Variants in GRM1 observed in about 807,000 individuals in gnomAD.
GRM1 encodes the protein glutamate metabotropic receptor 1, also known as metabotropic glutamate receptor 1.
In GRM1, 33 loss-of-function variants were observed where a neutral mutation model predicts 90.9. The ratio of observed to expected loss-of-function variants is 0.36; its 90% CI spans 0.28 to 0.49. The LOEUF is 0.49. GRM1 is among the 20% of genes least tolerant of loss of function. The pLI is 0.99. For synonymous variants in GRM1, 700 were observed against 613.2 expected, an observed-to-expected ratio of 1.14 and a Z score of -2.09; for missense variants, 1,190 against 1,534.3, an observed-to-expected ratio of 0.78 and a Z score of 3.75.
intron 3 of GRM1, among the ~76,000 whole-genome samples, chr6:146,338,442 T>C (rs1446543838): frequency 6.6e-6 from 1 of 152,242 alleles, no homozygotes; most frequent in Non-Finnish European, 1.5e-5. Context: ...AAGAGAGTGT[T>C]AACTTTGCTT....
At chr6:146,106,766 C>T (rs1186591268) in intron 1 of GRM1, among the ~76,000 whole-genome samples, 4 of 152,176 alleles carry the variant, frequency 2.6e-5, no homozygotes, top group African/African-American at 7.2e-5. Context: ...TTTAGTTGAC[C>T]TCGTGGTGTC....
intron 2 of GRM1, among the ~76,000 whole-genome samples, chr6:146,299,236 A>G (rs1783287723): frequency 6.6e-6 from 1 of 152,100 alleles, no homozygotes; most frequent in Non-Finnish European, 1.5e-5. Flanking sequence ...CCTCTATCTA[A>G]CCTACATCAC....
intron 2 of GRM1, among the ~76,000 whole-genome samples, chr6:146,231,657 G>A (rs766311041): frequency 1.1e-4 from 16 of 151,978 alleles, no homozygotes; most frequent in South Asian, 2.1e-4. Flanking sequence ...TTCTTTCCAC[G>A]GAAATCATCA....
At chr6:146,211,424 G>T (rs1490603202) in intron 2 of GRM1, among the ~76,000 whole-genome samples, 1 of 151,904 alleles carries the variant, frequency 6.6e-6, no homozygotes, top group Non-Finnish European at 1.5e-5. Flanking sequence ...CATATTTTAA[G>T]GTAAAAAATG....
intron 3 of GRM1, among the ~76,000 whole-genome samples, chr6:146,324,896 T>C (rs1172266448): frequency 3.3e-5 from 5 of 152,166 alleles, no homozygotes; most frequent in Admixed American, 6.5e-5. Context: ...CCTAGAATTT[T>C]AAACTTAATT....
At chr6:146,361,422 C>T (rs1055471707) in intron 5 of GRM1, among the ~76,000 whole-genome samples, 2 of 152,142 alleles carry the variant, frequency 1.3e-5, no homozygotes, top group South Asian at 2.1e-4. Context: ...CATCAGGGGC[C>T]TTGTGTGTGT....
chr6:146,374,407 C>T (rs1439273972), intron 5 of GRM1, among the ~76,000 whole-genome samples: 3 of 151,970 alleles, frequency 2.0e-5, no homozygotes, highest in African/African-American at 7.2e-5. Context: ...GTATTTTCTC[C>T]TCCTCTATTT....
At chr6:146,396,559 C>A (rs1776944593) in intron 6 of GRM1, among the ~76,000 whole-genome samples, 1 of 152,082 alleles carries the variant, frequency 6.6e-6, no homozygotes, top group African/African-American at 2.4e-5. Context: ...TATGAACTAT[C>A]CCTTATATTG....
Position 146,130,356 on chromosome 6 carries a change from C to A in GRM1, c.701-28992C>A, listed in dbSNP as rs116209589. On this transcript the variant is annotated intron_variant, in intron 1 of 7. Coordinates refer to ENST00000282753, the MANE Select transcript of GRM1 (RefSeq NM_001278064.2). Reference sequence around the variant, plus strand: ...TATGAGTTTTAACAATTGTGTATTTCCTGAAAGTAAATAATGAAAATAAAT... The same window carrying A: ...TATGAGTTTTAACAATTGTGTATTTACTGAAAGTAAATAATGAAAATAAAT... Among the ~76,000 whole-genome samples the A allele has an allele frequency of 7.4e-3, 1,096 of 148,032 alleles. 10 individuals carry two copies. The highest frequency in any genetic ancestry group is 0.025 in the African/African-American group (1,020 of 40,128).
chr6:146,354,648 T>G (rs117033933), intron 4 of GRM1, among the ~76,000 whole-genome samples: 2,625 of 152,242 alleles, frequency 0.017, 35 homozygotes, highest in Non-Finnish European at 0.028. Context: ...CTCCCTGTAC[T>G]TCCTCCTCCT....
At chr6:146,372,211 A>G (rs373484674) in intron 5 of GRM1, among the ~76,000 whole-genome samples, 2 of 152,122 alleles carry the variant, frequency 1.3e-5, no homozygotes, top group African/African-American at 4.8e-5. Context: ...TCTGATGATC[A>G]ATGATGTTGA....
chr6:146,393,060 C>T (rs931802442), intron 6 of GRM1, among the ~76,000 whole-genome samples: 3 of 152,020 alleles, frequency 2.0e-5, no homozygotes, highest in Non-Finnish European at 4.4e-5. Context: ...GTAATGGGAT[C>T]GCTGGGTCAA....
At chr6:146,425,571 A>G (rs1248388812) in intron 7 of GRM1, among the ~76,000 whole-genome samples, 2 of 152,216 alleles carry the variant, frequency 1.3e-5, no homozygotes, top group East Asian at 1.9e-4. Flanking sequence ...ATGTTGACTC[A>G]TAGAGAACAT....
At position 146,386,452 on chromosome 6, in the gene GRM1, A is replaced by C. The variant is rs1164954981; in HGVS notation, c.1603-438A>C. Among the ~76,000 whole-genome samples the C allele has an allele frequency of 3.3e-5, 5 of 152,242 alleles. No homozygotes were observed. The East Asian group carries it at 7.7e-4, about 23-fold the overall frequency. On this transcript the variant is annotated intron_variant, in intron 5 of 7. Coordinates refer to ENST00000282753, the MANE Select transcript of GRM1 (RefSeq NM_001278064.2). ...TAATTCAGTTTTTCATAATTACAAC[A>C]AAAATTGTATAATTACTTAGCTTTG...
In GRM1 at chr6:146,360,644, T is replaced by G. The variant is rs139140079; in HGVS notation, c.1602+2950T>G. Among the ~76,000 whole-genome samples, 8 of 152,242 alleles carry G rather than the reference T, an allele frequency of 5.3e-5. No individual in the cohort carries two copies. In the East Asian group the frequency reaches 1.6e-3, roughly 30 times the overall value. On this transcript the variant is annotated intron_variant, in intron 5 of 7. Transcript: ENST00000282753. ...AGTGGGAGAGTGAGGGCACCCTGGTTTTTCTCTTCTGCCTCCCATTAGTTG... is the reference window on the plus strand; with the variant it reads ...AGTGGGAGAGTGAGGGCACCCTGGTGTTTCTCTTCTGCCTCCCATTAGTTG...
At chr6:146,372,541 A>C (rs540284198) in intron 5 of GRM1, among the ~76,000 whole-genome samples, 9 of 152,160 alleles carry the variant, frequency 5.9e-5, no homozygotes, top group African/African-American at 2.2e-4. Flanking sequence ...TTTTGCCCAG[A>C]TCAATGTCCT....
chr6:146,045,749 C>CAAAAA (rs58055832), intron 1 of GRM1, among the ~76,000 whole-genome samples: 5 of 87,404 alleles, frequency 5.7e-5, no homozygotes, highest in African/African-American at 2.1e-4. Context: ...TGGAATACAG[C>CAAAAA]AAAAAAAAAA....
intron 1 of GRM1, among the ~76,000 whole-genome samples, chr6:146,039,744 T>G (rs854144): frequency 0.63 from 95,687 of 151,856 alleles, 32,430 homozygotes; most frequent in African/African-American, 0.91. Flanking sequence ...TGGAAAAGGA[T>G]AGAGGAGAAT....
intron 3 of GRM1, among the ~76,000 whole-genome samples, chr6:146,312,362 A>AG (rs1783805642): frequency 6.7e-6 from 1 of 149,846 alleles, no homozygotes; most frequent in African/African-American, 2.5e-5. Context: ...AAAAAAAAAA[A>AG]AAAAAAAAAA....
Sources: gnomAD v4.1 joint callset for allele counts (sites outside exome capture counted in the v4.1 genomes callset) on GRCh38, gnomAD v4.1.1 for gene constraint, MANE v1.5 for transcripts, NCBI Gene and HGNC (gene_info 2026-07-23, HGNC 2026-07-21) for gene names.